The following NLRP4 variants were observed in gnomAD, a reference collection of about 807,000 sequenced individuals.
NLRP4 encodes NLR family pyrin domain containing 4, also known as NACHT, LRR and PYD domains-containing protein 4.
NLRP4 carries 44 observed loss-of-function variants against 84.7 expected under a neutral mutation model. That is an observed-to-expected ratio of 0.52 (90% CI 0.41 to 0.67). The LOEUF (loss-of-function observed/expected upper bound fraction) is 0.67, where lower values mean the gene tolerates loss of function less well. NLRP4 is among the 30% of genes least tolerant of loss of function. The pLI, the probability that NLRP4 is intolerant of heterozygous loss-of-function variation, is 0.00. For missense variants in NLRP4, 1,260 were observed against 1,219.4 expected (o/e 1.03, Z -0.50); for synonymous variants, 544 against 476.4 (o/e 1.14, Z -1.85).
chr19:55,859,165 A>G lies in NLRP4; in HGVS notation c.1772A>G (p.Tyr591Cys), dbSNP rs1984612490. The change falls in exon 3 of 10, where the codon TAC becomes TGC. Residue 591 changes from tyrosine (Y) to cysteine (C), a missense_variant. Around this residue, in one of 3 missense-constraint regions of NLRP4, gnomAD observed 544 missense variants for 531.7 expected, o/e 1.02. Transcript: ENST00000301295. The part of the protein sequence containing the change: ...IDNVDLVVSA[Y>C]CLKYCSSLRK... The stretch of plus-strand genomic sequence containing the variant: ...AACGTGGACTTGGTGGTTTCTGCCT[A>G]CTGCTTAAAATACTGCTCCAGCTTG... 2 of 1,613,614 alleles carry G rather than the reference A, an allele frequency of 1.2e-6. No homozygotes were observed. The highest frequency in any genetic ancestry group is 1.3e-5 in the African/African-American group (1 of 74,926).
In NLRP4 at chr19:55,840,880, T is replaced by A. The variant is rs372391880; in HGVS notation, c.-66+3946T>A. ...AGATTTTTTTAAAAGCCTGGAATAATTCAATATCTTTTCCTTCTAATTCAA... is the reference window on the plus strand; with the variant it reads ...AGATTTTTTTAAAAGCCTGGAATAAATCAATATCTTTTCCTTCTAATTCAA... On this transcript the variant is annotated intron_variant, in intron 1 of 9. Transcript: ENST00000301295. Among the ~76,000 whole-genome samples the A allele has an allele frequency of 1.2e-3, 179 of 152,320 alleles. 1 individual carries two copies. Among genetic ancestry groups the A allele is most frequent in the African/African-American group, 4.0e-3 (166 of 41,576 alleles).
chr19:55,879,666 A>G (rs1985512407), intron 9 of NLRP4, among the ~76,000 whole-genome samples: 1 of 152,096 alleles, frequency 6.6e-6, no homozygotes, highest in African/African-American at 2.4e-5. Context: ...CCCCCATGCA[A>G]TCTTCGCGCT....
At chr19:55,843,165 A>G (rs1983677203) in intron 1 of NLRP4, among the ~76,000 whole-genome samples, 1 of 152,148 alleles carries the variant, frequency 6.6e-6, no homozygotes, top group Non-Finnish European at 1.5e-5. Context: ...GTAGCACCTG[A>G]TCAGGTCAGC....
At position 55,858,150 on chromosome 19, in the gene NLRP4, G is replaced by T; in HGVS notation, c.757G>T (p.Glu253Ter). 6.2e-7 allele frequency: 1 copy of T among 1,614,184 alleles called. No individual in the cohort carries two copies. The highest frequency in any genetic ancestry group is 8.5e-7 in the Non-Finnish European group (1 of 1,180,040). The change falls in exon 3 of 10, where the codon GAG (glutamate) becomes TAG (stop). Residue 253 changes from glutamate to a stop codon, truncating the protein, a stop_gained. Coordinates refer to ENST00000301295, the MANE Select transcript of NLRP4 (RefSeq NM_134444.5). LOFTEE classifies it high-confidence loss of function. This position sits in a 1 kb window ranked among gnomAD's most constrained non-coding sequence, Gnocchi z 4.2. ...PDSDLCGDLM[E>*]KRPVQVLLSS... ...TTCGGATCTGTGTGGTGACTTGATG[G>T]AGAAACGGCCGGTGCAGGTGCTTCT...
intron 9 of NLRP4, 34 bp from the exon 10 acceptor site, chr19:55,881,436 A>G: frequency 9.0e-7 from 1 of 1,107,804 alleles, no homozygotes; most frequent in Non-Finnish European, 1.4e-6. Flanking sequence ...AAGTATGTGA[A>G]TTAAAAATAG....
Position 55,837,807 on chromosome 19 carries a change from G to A in NLRP4, c.-66+873G>A, listed in dbSNP as rs374419063. ...CACCAGCACTTTGGGAGGTTGAGGTGGGTGGATCATCTGAGCTCAGGAGTT... is the reference window on the plus strand; with the variant it reads ...CACCAGCACTTTGGGAGGTTGAGGTAGGTGGATCATCTGAGCTCAGGAGTT... On this transcript the variant is annotated intron_variant, in intron 1 of 9. Coordinates refer to ENST00000301295, the MANE Select transcript of NLRP4 (RefSeq NM_134444.5). 2.9e-4 allele frequency among the ~76,000 whole-genome samples: 44 copies of A among 152,220 alleles called. No homozygotes were observed. The East Asian group carries it at 7.2e-3, about 25-fold the overall frequency.
chr19:55,855,819 C>T (rs1243882584), intron 2 of NLRP4, among the ~76,000 whole-genome samples: 1 of 152,236 alleles, frequency 6.6e-6, no homozygotes, highest in African/African-American at 2.4e-5. Flanking sequence ...GCTGGTGCTC[C>T]AGAGATGACT....
At chr19:55,856,804 G>GT (rs1366770852) in intron 2 of NLRP4, among the ~76,000 whole-genome samples, 6 of 152,136 alleles carry the variant, frequency 3.9e-5, no homozygotes, top group Non-Finnish European at 7.4e-5. Flanking sequence ...ATGAACCACT[G>GT]CCCCGGCCTG....
chr19:55,880,268 C>G (rs1026919993), intron 9 of NLRP4, among the ~76,000 whole-genome samples: 1 of 151,962 alleles, frequency 6.6e-6, no homozygotes, highest in Non-Finnish European at 1.5e-5. Flanking sequence ...GGCATTGTTT[C>G]TTTCTCATTT....
At chr19:55,843,559 A>T (rs1217173529) in intron 1 of NLRP4, among the ~76,000 whole-genome samples, 1 of 151,916 alleles carries the variant, frequency 6.6e-6, no homozygotes, top group African/African-American at 2.4e-5. Context: ...AGGCGTGGTG[A>T]TGGGCACCTG....
At chr19:55,872,222 A>T (rs572367256) in intron 7 of NLRP4, among the ~76,000 whole-genome samples, 8 of 152,278 alleles carry the variant, frequency 5.3e-5, no homozygotes, top group Non-Finnish European at 8.8e-5. Context: ...AAGACGTATT[A>T]AAAAAACACA....
chr19:55,855,818 C>T (rs1385194590), intron 2 of NLRP4, among the ~76,000 whole-genome samples: 1 of 152,204 alleles, frequency 6.6e-6, no homozygotes, highest in Non-Finnish European at 1.5e-5. Flanking sequence ...GGCTGGTGCT[C>T]CAGAGATGAC....
chr19:55,861,664 C>T (rs896765212), intron 4 of NLRP4, 117 bp downstream of exon 4: 2 of 944,612 alleles, frequency 2.1e-6, no homozygotes, highest in African/African-American at 3.2e-5. Flanking sequence ...AGAGCAGTTG[C>T]TCAACCTCAG....
intron 1 of NLRP4, among the ~76,000 whole-genome samples, chr19:55,845,010 G>A (rs111669429): frequency 2.6e-5 from 4 of 152,180 alleles, no homozygotes; most frequent in African/African-American, 9.6e-5. Flanking sequence ...ATTTCAGCCT[G>A]TGGCAAGAGG....
At position 55,870,991 on chromosome 19, in the gene NLRP4, C is replaced by G; in HGVS notation, c.2519C>G (p.Ser840Ter). The G allele has an allele frequency of 1.9e-6, 3 of 1,613,986 alleles. No homozygotes were observed. Among genetic ancestry groups the G allele is most frequent in the Non-Finnish European group, 2.5e-6 (3 of 1,179,846 alleles). ...ALKHPDCCLD[S>*]LCLVKCFITA... Reference sequence around the variant, plus strand: ...AAACATCCGGACTGCTGCCTGGATTCACTGTGGTAGGCTTTTTGCTGTTTC... The same window carrying G: ...AAACATCCGGACTGCTGCCTGGATTGACTGTGGTAGGCTTTTTGCTGTTTC... The change falls in exon 7 of 10, where the codon TCA becomes TGA. Residue 840 changes from serine to a stop codon, truncating the protein, a stop_gained. Coordinates refer to ENST00000301295, the MANE Select transcript of NLRP4 (RefSeq NM_134444.5). LOFTEE classifies it high-confidence loss of function.
chr19:55,844,328 G>T (rs943222065), intron 1 of NLRP4, among the ~76,000 whole-genome samples: 8 of 151,918 alleles, frequency 5.3e-5, no homozygotes, highest in Admixed American at 3.3e-4. Flanking sequence ...TTATTGCCCA[G>T]GCTGGAGTGC....
intron 9 of NLRP4, among the ~76,000 whole-genome samples, chr19:55,881,136 CGTGTGT>C (rs56806641): frequency 1.2e-4 from 17 of 139,580 alleles, no homozygotes; most frequent in Admixed American, 1.0e-3. Flanking sequence ...GTGAGAGCCA[CGTGTGT>C]GTGTGTGTGT....
Position 55,853,862 on chromosome 19 carries a change from CCT to C in NLRP4, c.280+1509_280+1510del, listed in dbSNP as rs763446993. On this transcript the variant is annotated intron_variant, in intron 2 of 9. Coordinates refer to ENST00000301295, the MANE Select transcript of NLRP4 (RefSeq NM_134444.5). ...CTCTCGTTCTGTCTTTCTCTCTCTT[CCT>C]CTCTCTTTCTCTCTTGCTATCTCTT... 1.9e-4 allele frequency among the ~76,000 whole-genome samples: 26 copies of C among 137,720 alleles called. No individual in the cohort carries two copies. In the East Asian group the frequency reaches 2.2e-3, roughly 11 times the overall value. The allele number at this position is 137,720 out of a possible 152,430, so 90.3% of individuals were successfully genotyped here. A position where few individuals can be genotyped will look rare whatever the true frequency, so the allele number is the denominator to read the frequency against.
chr19:55,877,285 T>A (rs1985410967), intron 8 of NLRP4, 119 bp downstream of exon 8: 1 of 916,878 alleles, frequency 1.1e-6, no homozygotes, highest in Non-Finnish European at 1.7e-6. Flanking sequence ...TGTGGTTGCA[T>A]CATGAACCAG....
Sources: allele counts gnomAD v4.1 joint callset (sites outside exome capture counted in the v4.1 genomes callset), GRCh38; gene constraint gnomAD v4.1.1; regional missense constraint gnomAD v4.1.1; non-coding constraint Gnocchi (gnomAD v3.1); transcripts MANE v1.5; gene names NCBI Gene and HGNC (gene_info 2026-07-23, HGNC 2026-07-21).